CNTN5: variants seen among roughly 807,000 people sequenced by gnomAD.
CNTN5 encodes contactin-5.
In CNTN5, 77 loss-of-function variants were observed where a neutral mutation model predicts 129.1. The ratio of observed to expected loss-of-function variants is 0.60; its 90% CI spans 0.50 to 0.72. The LOEUF is 0.72. Among genes scored for constraint, CNTN5 ranks in the 30% least tolerant of loss-of-function variants. CNTN5 has a pLI of 0.00. For missense variants in CNTN5, 1,478 were observed against 1,328.8 expected (o/e 1.11, Z -1.75); for synonymous variants, 509 against 465.6 (o/e 1.09, Z -1.20).
chr11:99,737,397 G>A (rs1310545104), intron 3 of CNTN5, among the ~76,000 whole-genome samples: 2 of 152,026 alleles, frequency 1.3e-5, no homozygotes, highest in African/African-American at 4.8e-5. Context: ...TAACCATGAA[G>A]CAATACAACA....
chr11:99,884,114 G>T (rs996440623), intron 6 of CNTN5, among the ~76,000 whole-genome samples: 8 of 152,046 alleles, frequency 5.3e-5, no homozygotes, highest in African/African-American at 9.7e-5. Context: ...AGTGCTCCCT[G>T]GAGGAAAGAT....
chr11:99,035,839 T>G (rs1318568688), intron 1 of CNTN5, among the ~76,000 whole-genome samples: 4 of 151,106 alleles, frequency 2.6e-5, no homozygotes, highest in African/African-American at 9.8e-5. Flanking sequence ...ATTTTGCTCG[T>G]TAGTTGATGC....
intron 1 of CNTN5, among the ~76,000 whole-genome samples, chr11:99,315,827 C>A (rs191277839): frequency 6.7e-6 from 1 of 148,614 alleles, no homozygotes; most frequent in African/African-American, 2.4e-5. Context: ...GATTTTTTTT[C>A]ATAGAGTATT....
chr11:100,095,869 A>C (rs1227645878), intron 13 of CNTN5, among the ~76,000 whole-genome samples: 2 of 152,066 alleles, frequency 1.3e-5, no homozygotes, highest in Non-Finnish European at 2.9e-5. Context: ...CATTATTTTT[A>C]GCAAAGGGCT....
intron 1 of CNTN5, among the ~76,000 whole-genome samples, chr11:99,279,978 G>C (rs1279160466): frequency 6.6e-6 from 1 of 150,882 alleles, no homozygotes; most frequent in African/African-American, 2.4e-5. Context: ...TAATATATCT[G>C]TTCTTTACAA....
At chr11:99,068,554 A>G (rs1865201196) in intron 1 of CNTN5, among the ~76,000 whole-genome samples, 1 of 152,134 alleles carries the variant, frequency 6.6e-6, no homozygotes, top group Admixed American at 6.6e-5. Context: ...TGCCCGTGAG[A>G]AGCAGGCTGG....
At chr11:100,351,294 G>T (rs1007910517) in intron 24 of CNTN5, among the ~76,000 whole-genome samples, 9 of 151,380 alleles carry the variant, frequency 5.9e-5, no homozygotes, top group Non-Finnish European at 8.9e-5. Flanking sequence ...CATATTTATT[G>T]ATTTCTAAAC....
In CNTN5 at chr11:100,307,583, G is replaced by A. The variant is rs947211477; in HGVS notation, c.2621-776G>A. Among the ~76,000 whole-genome samples, 29 of 151,466 alleles carry A rather than the reference G, an allele frequency of 1.9e-4. 1 individual carries two copies. The highest frequency in any genetic ancestry group is 2.1e-4 in the South Asian group (1 of 4,808). On this transcript the variant is annotated intron_variant, in intron 20 of 24. Coordinates refer to ENST00000524871, the MANE Select transcript of CNTN5 (RefSeq NM_014361.4). ...AAATGAAAAGGTGGTTTTGAGCCAC[G>A]GCACTGAACCCTTCGGGGACTTTTC...
At chr11:99,579,184 G>C (rs201664901) in intron 3 of CNTN5, among the ~76,000 whole-genome samples, 1 of 152,076 alleles carries the variant, frequency 6.6e-6, no homozygotes, top group Non-Finnish European at 1.5e-5. Flanking sequence ...TGTTCCATTG[G>C]TCTATATCCT....
At chr11:99,506,868 C>A (rs1553519) in intron 2 of CNTN5, among the ~76,000 whole-genome samples, 150,641 of 152,256 alleles carry the variant, frequency 0.99, 74,549 homozygotes, top group East Asian at 1. Flanking sequence ...AGTAATTGAT[C>A]AAATTTAATG....
intron 3 of CNTN5, among the ~76,000 whole-genome samples, chr11:99,565,616 G>T (rs1474094106): frequency 6.6e-6 from 1 of 152,028 alleles, no homozygotes; most frequent in Non-Finnish European, 1.5e-5. Context: ...ACAAACCATT[G>T]TCTGCTCTTT....
At chr11:99,731,228 C>T (rs1943522869) in intron 3 of CNTN5, among the ~76,000 whole-genome samples, 1 of 152,082 alleles carries the variant, frequency 6.6e-6, no homozygotes, top group African/African-American at 2.4e-5. Context: ...CTGCCTCAGC[C>T]TCCCGAGTAG....
At chr11:99,140,499 C>T (rs6589909) in intron 1 of CNTN5, among the ~76,000 whole-genome samples, 137,035 of 151,982 alleles carry the variant, frequency 0.9, 61,996 homozygotes, top group East Asian at 0.99. Flanking sequence ...TTTTCTTACC[C>T]GATAGCTCAG....
At chr11:99,201,849 G>A (rs982448757) in intron 1 of CNTN5, among the ~76,000 whole-genome samples, 1 of 152,122 alleles carries the variant, frequency 6.6e-6, no homozygotes, top group Non-Finnish European at 1.5e-5. Flanking sequence ...AAGAAACATA[G>A]CCCTGCCAAC....
rs537252324 is a variant in CNTN5, at chr11:100,172,991, C to A, written c.1581-18135C>A. Among the ~76,000 whole-genome samples the A allele has an allele frequency of 6.6e-5, 10 of 152,058 alleles. No individual in the cohort carries two copies. In the South Asian group the frequency reaches 1.0e-3, roughly 16 times the overall value. ...CAGAATTGCAGTAACATAGATGAATCCTGATGAGAGTCTCAAATAAGGTAG... is the reference window on the plus strand; with the variant it reads ...CAGAATTGCAGTAACATAGATGAATACTGATGAGAGTCTCAAATAAGGTAG... On this transcript the variant is annotated intron_variant, in intron 13 of 24. Transcript: ENST00000524871.
chr11:99,726,113 C>A (rs1170705676), intron 3 of CNTN5, among the ~76,000 whole-genome samples: 1 of 152,144 alleles, frequency 6.6e-6, no homozygotes, highest in Non-Finnish European at 1.5e-5. Context: ...TCAGTGGTAT[C>A]TCCTCTCCCT....
At chr11:99,043,579 G>GA (rs1170067296) in intron 1 of CNTN5, among the ~76,000 whole-genome samples, 1 of 152,048 alleles carries the variant, frequency 6.6e-6, no homozygotes, top group African/African-American at 2.4e-5. Context: ...CTTCCTATTC[G>GA]AAAAAGTGGC....
chr11:99,874,560 G>A (rs1948585803), intron 6 of CNTN5, among the ~76,000 whole-genome samples: 1 of 151,976 alleles, frequency 6.6e-6, no homozygotes, highest in East Asian at 1.9e-4. Flanking sequence ...TAACACATTA[G>A]GTTTGCAAGT....
chr11:100,230,726 C>T (rs1164681805), intron 16 of CNTN5, among the ~76,000 whole-genome samples: 1 of 152,188 alleles, frequency 6.6e-6, no homozygotes, highest in Non-Finnish European at 1.5e-5. Context: ...AAGCCAGACT[C>T]TTTTAGGCAC....
Sources: gnomAD v4.1 joint callset for allele counts (sites outside exome capture counted in the v4.1 genomes callset) on GRCh38, gnomAD v4.1.1 for gene constraint, MANE v1.5 for transcripts, NCBI Gene and HGNC (gene_info 2026-07-23, HGNC 2026-07-21) for gene names.